The following RANBP2 variants were observed in gnomAD, a reference collection of about 807,000 sequenced individuals.
RANBP2 encodes the protein RAN binding protein 2.
RANBP2 carries 57 observed loss-of-function variants against 303.6 expected under a neutral mutation model. The ratio of observed to expected loss-of-function variants is 0.19; its 90% confidence interval spans 0.15 to 0.23. RANBP2 has a LOEUF of 0.23. RANBP2 is among the 10% of genes least tolerant of loss of function. RANBP2 has a pLI of 1.00. For missense variants in RANBP2, 3,138 were observed against 3,780.8 expected (o/e 0.83, Z 4.46); for synonymous variants, 1,167 against 1,301.5 (o/e 0.90, Z 2.23).
the RANBP2 span, among the ~76,000 whole-genome samples, chr2:109,078,087 TATATATATATATA>T: frequency 2.1e-4 from 2 of 9,308 alleles, no homozygotes; most frequent in Non-Finnish European, 6.1e-4. Context: ...AATATATATA[TATATATATATATA>T]TATATATATA....
At chr2:108,744,355 A>G (rs969999879) in intron 7 of RANBP2, among the ~76,000 whole-genome samples, 6 of 152,110 alleles carry the variant, frequency 3.9e-5, no homozygotes, top group East Asian at 1.9e-4. Context: ...AGTGAGCTGA[A>G]ATCGTGCCAC....
the RANBP2 span, among the ~76,000 whole-genome samples, chr2:109,682,740 G>C: frequency 6.6e-6 from 1 of 152,104 alleles, no homozygotes; most frequent in Non-Finnish European, 1.5e-5. Flanking sequence ...AGGATTTCCA[G>C]ACCAACCCGG....
chr2:109,385,220 C>A, the RANBP2 span, among the ~76,000 whole-genome samples: 1 of 152,228 alleles, frequency 6.6e-6, no homozygotes, highest in Non-Finnish European at 1.5e-5. Context: ...AATAACCTTA[C>A]CCACCTCCAA....
the RANBP2 span, among the ~76,000 whole-genome samples, chr2:109,009,712 T>G: frequency 3.3e-5 from 3 of 91,532 alleles, no homozygotes; most frequent in Non-Finnish European, 7.7e-5. Flanking sequence ...CTTTTTTTTG[T>G]TTTTTTTTTT....
the RANBP2 span, among the ~76,000 whole-genome samples, chr2:109,428,188 C>A: frequency 6.6e-6 from 1 of 152,196 alleles, no homozygotes; most frequent in Non-Finnish European, 1.5e-5. Flanking sequence ...AGTGGGACTT[C>A]TGGTAGGAGA....
At chr2:109,521,434 T>C in the RANBP2 span, among the ~76,000 whole-genome samples, 1 of 151,928 alleles carries the variant, frequency 6.6e-6, no homozygotes, top group Non-Finnish European at 1.5e-5. Flanking sequence ...ACCACTTCAG[T>C]AGCACCACCG....
chr2:109,701,557 T>G, the RANBP2 span, among the ~76,000 whole-genome samples: 1 of 152,140 alleles, frequency 6.6e-6, no homozygotes, highest in Non-Finnish European at 1.5e-5. Flanking sequence ...ATACGCAATT[T>G]AGTCTGGCTC....
the RANBP2 span, among the ~76,000 whole-genome samples, chr2:109,203,648 C>G: frequency 6.6e-6 from 1 of 152,094 alleles, no homozygotes; most frequent in Non-Finnish European, 1.5e-5. Flanking sequence ...CTGTGCACCC[C>G]ATGTGAGTGT....
chr2:108,853,371 A>G, the RANBP2 span, among the ~76,000 whole-genome samples: 23 of 152,208 alleles, frequency 1.5e-4, no homozygotes, highest in Admixed American at 6.5e-5. Context: ...ATAGTACAAT[A>G]TTATATGTCA....
At chr2:109,115,934 T>C in the RANBP2 span, among the ~76,000 whole-genome samples, 1 of 152,362 alleles carries the variant, frequency 6.6e-6, no homozygotes, top group Middle Eastern at 3.4e-3. Context: ...AAAATTCTTT[T>C]CTTTAAGAAT....
chr2:109,713,612 G>T, the RANBP2 span, among the ~76,000 whole-genome samples: 2 of 152,200 alleles, frequency 1.3e-5, no homozygotes, highest in East Asian at 3.9e-4. Context: ...TTAGGTACTA[G>T]CTCTGCAGAA....
At chr2:109,501,950 C>T in the RANBP2 span, 169 of 391,664 alleles carry the variant, frequency 4.3e-4, no homozygotes, top group Admixed American at 8.1e-4. Context: ...AGGCAGGTGC[C>T]GGCGCAGGCA....
the RANBP2 span, among the ~76,000 whole-genome samples, chr2:109,629,046 T>C: frequency 1.3e-5 from 2 of 151,286 alleles, no homozygotes; most frequent in Non-Finnish European, 1.5e-5. Context: ...CTACTAAAAT[T>C]ACAAAATTTG....
the RANBP2 span, among the ~76,000 whole-genome samples, chr2:109,096,312 T>A: frequency 6.6e-6 from 1 of 152,240 alleles, no homozygotes; most frequent in African/African-American, 2.4e-5. Flanking sequence ...TTAGTATGTG[T>A]TACAAAATTG....
rs1247816984 is a variant in RANBP2 at position 108,752,617 on chromosome 2, C to CAAA, written c.1756-364_1756-362dup. ...TGAAACCCCGTCTCTACTAAAAATA[C>CAAA]AAAAAAAAAAAAAAAAAAAGAAAAA... is the stretch of plus-strand genomic sequence containing the variant. On this transcript the variant is annotated intron_variant, in intron 12 of 28. Coordinates refer to ENST00000283195, the MANE Select transcript of RANBP2 (RefSeq NM_006267.5). 1.8e-3 allele frequency among the ~76,000 whole-genome samples: 75 copies of CAAA among 40,660 alleles called. 3 individuals are homozygous for CAAA. Among genetic ancestry groups the CAAA allele is most frequent in the Non-Finnish European group, 2.6e-3 (57 of 22,008 alleles). The allele number at this position is 40,660 out of a possible 152,430, so 26.7% of individuals were successfully genotyped here. A position where few individuals can be genotyped will look rare whatever the true frequency, so the allele number is the denominator to read the frequency against.
At chr2:109,452,683 A>G in the RANBP2 span, among the ~76,000 whole-genome samples, 1 of 152,204 alleles carries the variant, frequency 6.6e-6, no homozygotes, top group Non-Finnish European at 1.5e-5. Flanking sequence ...GTGTGGTGTC[A>G]GTGGCTATGG....
At chr2:109,244,720 A>G in the RANBP2 span, among the ~76,000 whole-genome samples, 2 of 152,224 alleles carry the variant, frequency 1.3e-5, no homozygotes, top group Non-Finnish European at 2.9e-5. Context: ...CAGCCTCTAG[A>G]GACAGGAGTC....
At chr2:109,039,363 T>C in the RANBP2 span, among the ~76,000 whole-genome samples, 1 of 152,240 alleles carries the variant, frequency 6.6e-6, no homozygotes, top group Non-Finnish European at 1.5e-5. Flanking sequence ...AAGATTTTTT[T>C]TTTTTGAGAC....
chr2:108,867,898 C>G, the RANBP2 span, among the ~76,000 whole-genome samples: 1 of 152,168 alleles, frequency 6.6e-6, no homozygotes, highest in African/African-American at 2.4e-5. Flanking sequence ...ATGTTACTAT[C>G]TGGGAGCTGA....
Sources: allele counts gnomAD v4.1 joint callset (sites outside exome capture counted in the v4.1 genomes callset), GRCh38; gene constraint gnomAD v4.1.1; transcripts MANE v1.5; gene names NCBI Gene and HGNC (gene_info 2026-07-23, HGNC 2026-07-21).